The following LCORL variants were observed in gnomAD, a reference collection of about 807,000 sequenced individuals.
LCORL encodes ligand dependent nuclear receptor corepressor like.
In LCORL, 41 loss-of-function variants were observed where a neutral mutation model predicts 141.8. The observed-to-expected ratio is 0.29, with a 90% CI of 0.23 to 0.38. LCORL has a LOEUF of 0.38. Among genes scored for constraint, LCORL ranks in the 10% least tolerant of loss-of-function variants. The pLI is 1.00. For synonymous variants in LCORL, 618 were observed against 694.1 expected, an observed-to-expected ratio of 0.89 and a Z score of 1.72; for missense variants, 1,759 against 2,035.0, an observed-to-expected ratio of 0.86 and a Z score of 2.61.
chr4:17,914,699 T>G (rs1242383791), intron 4 of LCORL, among the ~76,000 whole-genome samples: 2 of 152,176 alleles, frequency 1.3e-5, no homozygotes, highest in Non-Finnish European at 2.9e-5. Context: ...ACTCAAATTT[T>G]TACAAGGATC....
intron 1 of LCORL, among the ~76,000 whole-genome samples, chr4:17,977,915 T>G (rs1717275260): frequency 6.6e-6 from 1 of 152,172 alleles, no homozygotes; most frequent in South Asian, 2.1e-4. Flanking sequence ...TTTGATCACT[T>G]TTTGTGGATG....
chr4:17,999,219 C>T (rs1577690932), intron 1 of LCORL, among the ~76,000 whole-genome samples: 1 of 75,856 alleles, frequency 1.3e-5, no homozygotes. Context: ...TTTGGGAGGC[C>T]GAGGCGGGAG....
exon 7 of LCORL, chr4:17,874,572 T>C (rs1283234646): frequency 8.1e-7 from 1 of 1,233,724 alleles, no homozygotes; most frequent in Admixed American, 4.2e-5. Context: ...TACTTTGAAA[T>C]GATCATTTTC....
intron 4 of LCORL, among the ~76,000 whole-genome samples, chr4:17,913,930 G>A (rs1292954496): frequency 6.6e-6 from 1 of 152,142 alleles, no homozygotes; most frequent in African/African-American, 2.4e-5. Context: ...GCTTATGTTG[G>A]GAAATAAACT....
At position 18,020,163 on chromosome 4, in the gene LCORL, C is replaced by T. The variant is rs142261730; in HGVS notation, c.154+1435G>A. Among the ~76,000 whole-genome samples, 509 of 152,324 alleles carry T rather than the reference C, an allele frequency of 3.3e-3. 7 individuals carry two copies. The highest frequency in any genetic ancestry group is 0.012 in the African/African-American group (480 of 41,568). On this transcript the variant is annotated intron_variant, in intron 1 of 7. Coordinates refer to ENST00000635767, the Ensembl canonical transcript of LCORL. ...TATATTCATCGCGTTCTGCGGTACACATTTCTGAACTGAAATTGTATTAAG... is the reference window on the plus strand; with the variant it reads ...TATATTCATCGCGTTCTGCGGTACATATTTCTGAACTGAAATTGTATTAAG...
chr4:17,957,440 C>A (rs1037028040), intron 4 of LCORL, among the ~76,000 whole-genome samples: 3 of 151,888 alleles, frequency 2.0e-5, no homozygotes, highest in Non-Finnish European at 2.9e-5. Context: ...CTGAGGGATT[C>A]TGTTGATGGA....
At chr4:17,869,720 C>T (rs774143011) in intron 7 of LCORL, among the ~76,000 whole-genome samples, 9 of 152,130 alleles carry the variant, frequency 5.9e-5, no homozygotes, top group Middle Eastern at 3.2e-3. Context: ...CTTATTTCAG[C>T]TCAGGCCTTT....
chr4:17,969,502 T>C lies in LCORL; in HGVS notation c.220+3318A>G, dbSNP rs759251176. ...GTGCCAACGTTGATTTTTAAGGTAG[T>C]AGGATGAACTTTAGAATATATTTTT... On this transcript the variant is annotated intron_variant, in intron 2 of 7. Coordinates refer to ENST00000635767, the Ensembl canonical transcript of LCORL. 1.4e-4 allele frequency among the ~76,000 whole-genome samples: 21 copies of C among 152,268 alleles called. No individual in the cohort carries two copies. The South Asian group carries it at 1.9e-3, about 14-fold the overall frequency.
chr4:17,888,152 G>C (rs1728551227), intron 5 of LCORL, among the ~76,000 whole-genome samples: 1 of 152,212 alleles, frequency 6.6e-6, no homozygotes, highest in Admixed American at 6.6e-5. Context: ...CTGCTGCTTA[G>C]AATAGTGCCT....
chr4:17,977,999 C>T (rs558552857), intron 1 of LCORL, among the ~76,000 whole-genome samples: 52 of 152,248 alleles, frequency 3.4e-4, no homozygotes, highest in Non-Finnish European at 5.7e-4. Context: ...TGTTTCTACC[C>T]TAAATCCTCC....
intron 1 of LCORL, among the ~76,000 whole-genome samples, chr4:18,014,595 T>C (rs920012316): frequency 2.0e-5 from 3 of 151,942 alleles, no homozygotes; most frequent in Admixed American, 6.6e-5. Context: ...CAGGATAGGG[T>C]TGCTGCCAAT....
chr4:17,842,834 AATTGT>A (rs1466152915), exon 8 of LCORL: 1 of 164,712 alleles, frequency 6.1e-6, no homozygotes, highest in Non-Finnish European at 1.3e-5. Flanking sequence ...TCATTTGCAA[AATTGT>A]ATTGTGTGTA....
chr4:17,950,155 C>G (rs530500995), intron 4 of LCORL, among the ~76,000 whole-genome samples: 7 of 152,152 alleles, frequency 4.6e-5, no homozygotes, highest in African/African-American at 1.7e-4. Flanking sequence ...CTCAAGAGCC[C>G]TTAAAGTAAT....
At chr4:17,985,497 T>C (rs906477422) in intron 1 of LCORL, among the ~76,000 whole-genome samples, 2 of 152,202 alleles carry the variant, frequency 1.3e-5, no homozygotes, top group Admixed American at 6.5e-5. Flanking sequence ...TCTTGTTGAA[T>C]TGAACCCTTT....
intron 1 of LCORL, among the ~76,000 whole-genome samples, chr4:17,987,027 T>C (rs1719096221): frequency 6.6e-6 from 1 of 152,210 alleles, no homozygotes; most frequent in South Asian, 2.1e-4. Flanking sequence ...AATCATTTTA[T>C]GTGTGAATAC....
intron 1 of LCORL, among the ~76,000 whole-genome samples, chr4:18,004,449 A>G (rs1459808854): frequency 6.6e-6 from 1 of 152,130 alleles, no homozygotes; most frequent in Non-Finnish European, 1.5e-5. Flanking sequence ...GCAGGGAAAC[A>G]TCCCTTTTTT....
intron 7 of LCORL, among the ~76,000 whole-genome samples, chr4:17,851,676 G>A (rs946600705): frequency 6.6e-6 from 1 of 152,162 alleles, no homozygotes; most frequent in Non-Finnish European, 1.5e-5. Context: ...ATGTGTTCAA[G>A]TATATCTATA....
At chr4:18,020,764 G>C (rs1253915744) in intron 1 of LCORL, 1 of 152,174 alleles carries the variant, frequency 6.6e-6, no homozygotes, top group Non-Finnish European at 1.5e-5. Context: ...ATATGTGTGT[G>C]TGTGTGTAAG....
chr4:17,983,265 T>A (rs1718342055), intron 1 of LCORL, among the ~76,000 whole-genome samples: 1 of 152,214 alleles, frequency 6.6e-6, no homozygotes. Flanking sequence ...TTTGGTTCAA[T>A]ACAAATTTAC....
Sources: gnomAD v4.1 joint callset for allele counts (sites outside exome capture counted in the v4.1 genomes callset) on GRCh38, gnomAD v4.1.1 for gene constraint, MANE v1.5 for transcripts, NCBI Gene and HGNC (gene_info 2026-07-23, HGNC 2026-07-21) for gene names.